The following FARP2 variants were observed in gnomAD, a reference collection of about 807,000 sequenced individuals.
FARP2 encodes the protein FERM, ARHGEF and pleckstrin domain-containing protein 2.
In FARP2, 111 loss-of-function variants were observed where a neutral mutation model predicts 130.5. The ratio of observed to expected loss-of-function variants is 0.85; its 90% confidence interval spans 0.73 to 1.00. The LOEUF (loss-of-function observed/expected upper bound fraction) is 1.00, where lower values mean the gene tolerates loss of function less well. Ranked by LOEUF, FARP2 falls within the 50% of genes least tolerant of loss-of-function variation. FARP2 has a pLI of 0.00. For synonymous variants in FARP2, 504 were observed against 516.9 expected, an observed-to-expected ratio of 0.98 and a Z score of 0.34; for missense variants, 1,385 against 1,346.3, an observed-to-expected ratio of 1.03 and a Z score of -0.45.
chr2:241,427,987 C>T (rs10195106), intron 8 of FARP2, among the ~76,000 whole-genome samples: 127,571 of 151,776 alleles, frequency 0.84, 54,017 homozygotes, highest in East Asian at 0.94. Flanking sequence ...AGGATGGTCT[C>T]GATCTCCTGA....
At chr2:241,443,590 T>G (rs78618095) in intron 13 of FARP2, 141 of 152,374 alleles carry the variant, frequency 9.3e-4, no homozygotes, top group African/African-American at 3.3e-3. Context: ...ATGGAGAGCT[T>G]CTCAGTCTAA....
chr2:241,395,112 A>G (rs1323291918), intron 2 of FARP2, among the ~76,000 whole-genome samples: 4 of 152,176 alleles, frequency 2.6e-5, no homozygotes, highest in Non-Finnish European at 5.9e-5. Flanking sequence ...GCCGAGCCTA[A>G]GCATACCCAC....
chr2:241,446,402 T>C (rs2063515573), intron 13 of FARP2: 1 of 152,212 alleles, frequency 6.6e-6, no homozygotes, highest in Non-Finnish European at 1.5e-5. Context: ...ATTAATGTCA[T>C]TTTGCTGAGG....
chr2:241,474,531 T>G (rs967420795), intron 18 of FARP2, among the ~76,000 whole-genome samples: 2 of 149,716 alleles, frequency 1.3e-5, no homozygotes, highest in Admixed American at 1.3e-4. Context: ...TGGGTCACGC[T>G]TATAATCCCA....
At chr2:241,422,297 G>A (rs1279154854) in intron 8 of FARP2, among the ~76,000 whole-genome samples, 1 of 150,790 alleles carries the variant, frequency 6.6e-6, no homozygotes, top group Non-Finnish European at 1.5e-5. Flanking sequence ...ACGCACAGCG[G>A]TAGGCTGAGG....
At chr2:241,365,379 CT>C (rs1350356567) in intron 1 of FARP2, among the ~76,000 whole-genome samples, 5 of 152,096 alleles carry the variant, frequency 3.3e-5, no homozygotes, top group African/African-American at 1.2e-4. Context: ...AAGAGAGGGA[CT>C]TTTTTCCCCT....
intron 1 of FARP2, among the ~76,000 whole-genome samples, chr2:241,358,866 C>G (rs3771549): frequency 3.3e-5 from 5 of 152,106 alleles, no homozygotes; most frequent in African/African-American, 1.2e-4. Flanking sequence ...TTCTGGGGAG[C>G]GTTTAGTTGA....
chr2:241,384,021 G>T (rs980815693), intron 2 of FARP2, among the ~76,000 whole-genome samples: 1 of 151,470 alleles, frequency 6.6e-6, no homozygotes, highest in African/African-American at 2.4e-5. Flanking sequence ...GCCCTTCTGT[G>T]AAGCCACCAC....
chr2:241,381,731 T>G (rs1299073889), intron 2 of FARP2, among the ~76,000 whole-genome samples: 1 of 152,208 alleles, frequency 6.6e-6, no homozygotes, highest in Admixed American at 6.5e-5. Context: ...AGAGAGTGCA[T>G]TCTACTTTTT....
intron 2 of FARP2, among the ~76,000 whole-genome samples, chr2:241,395,170 G>A (rs1344560974): frequency 2.6e-5 from 4 of 152,180 alleles, no homozygotes; most frequent in Non-Finnish European, 4.4e-5. Context: ...CCTTAGGACG[G>A]TGTGAGGAAA....
intron 2 of FARP2, among the ~76,000 whole-genome samples, chr2:241,388,055 A>T (rs1056601924): frequency 6.6e-6 from 1 of 152,204 alleles, no homozygotes; most frequent in African/African-American, 2.4e-5. Context: ...GCTTTTTAGT[A>T]GAAATTGACA....
intron 9 of FARP2, among the ~76,000 whole-genome samples, chr2:241,433,907 T>G (rs1006293898): frequency 1.3e-5 from 2 of 152,108 alleles, no homozygotes; most frequent in Middle Eastern, 3.2e-3. Context: ...GAGCCTGTAG[T>G]CCCTACTGAG....
At chr2:241,490,413 G>C (rs1559816335) in intron 22 of FARP2, among the ~76,000 whole-genome samples, 1 of 151,768 alleles carries the variant, frequency 6.6e-6, no homozygotes, top group East Asian at 2.0e-4. Flanking sequence ...CCAGCAGCTA[G>C]TGGTCAAAGC....
chr2:241,489,732 GTGA>G lies in FARP2; in HGVS notation c.2422-229_2422-227del. ...TCAGCTAATAGTGCTGGACCCCCCG[GTGA>G]GTATTTGGGTGCCCTCTGGCCCATG... On this transcript the variant is annotated intron_variant, in intron 21 of 26. Transcript: ENST00000264042. 3 of 433,828 alleles carry G rather than the reference GTGA, an allele frequency of 6.9e-6. No individual in the cohort carries two copies. The South Asian group carries it at 1.2e-4, about 18-fold the overall frequency. 26.9% of individuals were successfully genotyped at this position (433,828 alleles called of 1,614,324 possible). A position where few individuals can be genotyped will look rare whatever the true frequency, so the allele number is the denominator to read the frequency against.
At chr2:241,356,562 A>C (rs932591837) in intron 1 of FARP2, among the ~76,000 whole-genome samples, 174 bp downstream of exon 1, 1 of 151,924 alleles carries the variant, frequency 6.6e-6, no homozygotes, top group African/African-American at 2.4e-5. Context: ...TGGAGCTCCT[A>C]GGCGGGTCCG....
Position 241,491,176 on chromosome 2 carries a change from C to T in FARP2, c.2620C>T (p.Pro874Ser). The change falls in exon 23 of 27, where the codon CCC becomes TCC. Residue 874 changes from proline (P) to serine (S), a missense_variant. Coordinates refer to ENST00000264042, the MANE Select transcript of FARP2 (RefSeq NM_014808.4). ...LPGRTVCTRP[P>S]RSPNEVSLEQ... is the part of the protein sequence containing the mutation. ...AGGCCGCACTGTGTGCACTCGTCCC[C>T]CCAGTGAGTGCTGGCCACAACCCCC... is the stretch of plus-strand genomic sequence containing the variant. 1 of 1,606,030 alleles carries T rather than the reference C, an allele frequency of 6.2e-7. No individual in the cohort carries two copies.
In FARP2 at chr2:241,373,163, G is replaced by A; in HGVS notation, c.56G>A (p.Gly19Asp). ...RVLQTAGMRL[G>D]AQTPVGVSTL... is the part of the protein sequence containing the mutation. ...CTGCAGACTGCAGGGATGCGCTTGG[G>A]TGCCCAGACCCCTGTGGGAGTTAGC... Residue 19 changes from glycine to aspartate, a missense_variant, in exon 2 of 27, where the codon GGT becomes GAT. Transcript: ENST00000264042. 6.4e-7 allele frequency: 1 copy of A among 1,553,824 alleles called. No individual in the cohort carries two copies. The highest frequency in any genetic ancestry group is 1.2e-5 in the South Asian group (1 of 84,536).
rs370725394 is a variant in FARP2, at chr2:241,457,725, T to C, written c.1587+803T>C. On this transcript the variant is annotated intron_variant, in intron 14 of 26. Transcript: ENST00000264042. ...GTGCACTAAGGACCGCTTTGGGTTC[T>C]GGAGAGGCTCTTGGGCGGGAGACCC... 9.7e-4 allele frequency among the ~76,000 whole-genome samples: 101 copies of C among 104,588 alleles called. 1 individual carries two copies. Among genetic ancestry groups the C allele is most frequent in the African/African-American group, 1.9e-3 (48 of 24,974 alleles). 68.6% of individuals were successfully genotyped at this position (104,588 alleles called of 152,430 possible).
In FARP2 at chr2:241,459,830, G is replaced by A. The variant is rs1448990209; in HGVS notation, c.1588-2693G>A. ...TTGGGCTGATTGGGCGGGGCGGGGC[G>A]GGGGCAGGGGCGGGACGGAAGACCC... On this transcript the variant is annotated intron_variant, in intron 14 of 26. Coordinates refer to ENST00000264042, the MANE Select transcript of FARP2 (RefSeq NM_014808.4). This position sits in a 1 kb window ranked among gnomAD's most constrained non-coding sequence, Gnocchi z 5.3. 3.0e-4 allele frequency among the ~76,000 whole-genome samples: 46 copies of A among 151,094 alleles called. No homozygotes were observed. Among genetic ancestry groups the A allele is most frequent in the Non-Finnish European group, 1.5e-4 (10 of 67,794 alleles).
Sources: allele counts gnomAD v4.1 joint callset (sites outside exome capture counted in the v4.1 genomes callset), GRCh38; gene constraint gnomAD v4.1.1; non-coding constraint Gnocchi (gnomAD v3.1); transcripts MANE v1.5; gene names NCBI Gene and HGNC (gene_info 2026-07-23, HGNC 2026-07-21).